EYS: variants seen among roughly 807,000 people sequenced by gnomAD.
The protein encoded by EYS is EGF-like photoreceptor maintenance factor.
EYS carries 250 observed loss-of-function variants against 282.1 expected under a neutral mutation model. The observed-to-expected ratio is 0.89, with a 90% CI of 0.80 to 0.98. The LOEUF is 0.98. Among genes scored for constraint, EYS ranks in the 50% least tolerant of loss-of-function variants. The pLI, the probability that EYS is intolerant of heterozygous loss-of-function variation, is 0.00. For synonymous variants in EYS, 1,355 were observed against 1,282.9 expected, an observed-to-expected ratio of 1.06 and a Z score of -1.20; for missense variants, 4,016 against 3,709.0, an observed-to-expected ratio of 1.08 and a Z score of -2.15.
chr6:65,225,300 T>C (rs2150262843), intron 12 of EYS, among the ~76,000 whole-genome samples: 1 of 149,598 alleles, frequency 6.7e-6, no homozygotes, highest in South Asian at 2.1e-4. Context: ...TATAATATAA[T>C]ATATAATTAT....
chr6:65,229,201 G>A (rs1210863368), intron 12 of EYS, among the ~76,000 whole-genome samples: 2 of 152,046 alleles, frequency 1.3e-5, no homozygotes, highest in African/African-American at 4.8e-5. Flanking sequence ...AAAAGATTAA[G>A]ATTAGAAAGT....
intron 19 of EYS, among the ~76,000 whole-genome samples, chr6:64,828,178 G>C (rs570301526): frequency 1.3e-5 from 2 of 151,948 alleles, no homozygotes; most frequent in South Asian, 4.1e-4. Context: ...TGAACTTGAA[G>C]ATAAGCAAGT....
chr6:64,266,883 A>G (rs1767778124), intron 30 of EYS, among the ~76,000 whole-genome samples: 2 of 152,208 alleles, frequency 1.3e-5, no homozygotes, highest in Non-Finnish European at 2.9e-5. Context: ...AGGGTTAGAA[A>G]CATAAAGCCA....
Position 64,590,532 on chromosome 6 carries a change from C to T in EYS, c.5335G>A (p.Gly1779Ser), listed in dbSNP as rs186499459. Residue 1779 changes from glycine to serine, a missense_variant, in exon 26 of 43, where the codon GGC (glycine) becomes AGC (serine). Transcript: ENST00000503581. ...ACTTCTGAAAAATCAGGCACTGAGC[C>T]TGTCAATGGTGGCAGATTATTTTTG... ...DFKNNLPPLT[G>S]SVPDFSEVTT... 339 of 1,551,362 alleles carry T rather than the reference C, an allele frequency of 2.2e-4. 1 individual carries two copies. In the African/African-American group the frequency reaches 4.4e-3, roughly 20 times the overall value.
chr6:64,189,797 T>G (rs1415683216), intron 31 of EYS, among the ~76,000 whole-genome samples: 9 of 152,146 alleles, frequency 5.9e-5, no homozygotes, highest in Non-Finnish European at 1.3e-4. Context: ...CCCACAGTTG[T>G]GTGGGTCAAT....
chr6:65,120,931 T>A (rs1486269816), intron 12 of EYS, among the ~76,000 whole-genome samples: 1 of 152,160 alleles, frequency 6.6e-6, no homozygotes, highest in Admixed American at 6.5e-5. Flanking sequence ...TACATTTATA[T>A]GTCTATTTTA....
intron 36 of EYS, among the ~76,000 whole-genome samples, chr6:63,816,108 C>G (rs943816137): frequency 6.6e-6 from 1 of 152,050 alleles, no homozygotes; most frequent in Non-Finnish European, 1.5e-5. Context: ...AAAAAGATTT[C>G]ATATTAATAT....
At chr6:64,112,977 A>G (rs1016042965) in intron 31 of EYS, among the ~76,000 whole-genome samples, 1 of 152,052 alleles carries the variant, frequency 6.6e-6, no homozygotes, top group African/African-American at 2.4e-5. Flanking sequence ...TGCAATTACA[A>G]CAATGTAGAG....
intron 33 of EYS, among the ~76,000 whole-genome samples, chr6:64,013,873 G>A (rs1768761290): frequency 6.6e-6 from 1 of 151,908 alleles, no homozygotes; most frequent in Non-Finnish European, 1.5e-5. Flanking sequence ...TCTAGATTGG[G>A]CTAATTCACT....
At chr6:65,440,950 T>A (rs1046555356) in intron 5 of EYS, among the ~76,000 whole-genome samples, 5 of 147,016 alleles carry the variant, frequency 3.4e-5, no homozygotes, top group African/African-American at 1.2e-4. Context: ...TGTATATGTA[T>A]ATAAATATAT....
intron 1 of EYS, among the ~76,000 whole-genome samples, chr6:65,694,061 C>T (rs995801198): frequency 6.7e-6 from 1 of 150,198 alleles, no homozygotes; most frequent in South Asian, 2.1e-4. Flanking sequence ...TGTTCTATAA[C>T]TGAACATGAT....
intron 1 of EYS, among the ~76,000 whole-genome samples, chr6:65,683,895 A>G (rs1334565187): frequency 1.3e-5 from 2 of 152,058 alleles, no homozygotes; most frequent in Non-Finnish European, 2.9e-5. Flanking sequence ...AAATAGAACC[A>G]GTGCAAATGG....
intron 22 of EYS, among the ~76,000 whole-genome samples, chr6:64,779,706 TAA>T (rs1773798552): frequency 6.6e-6 from 1 of 152,094 alleles, no homozygotes. Flanking sequence ...AAGATGTTGA[TAA>T]AAGAGGAAAC....
chr6:64,808,760 G>T (rs1764510742), intron 22 of EYS, among the ~76,000 whole-genome samples: 1 of 151,996 alleles, frequency 6.6e-6, no homozygotes, highest in South Asian at 2.1e-4. Flanking sequence ...GCATCAGCAA[G>T]ATTTTTTTAA....
chr6:63,996,967 A>C (rs1285302559), intron 34 of EYS, among the ~76,000 whole-genome samples: 3 of 152,178 alleles, frequency 2.0e-5, no homozygotes, highest in Non-Finnish European at 4.4e-5. Flanking sequence ...CTTTGGTGTC[A>C]ATCTGGCTTT....
intron 26 of EYS, among the ~76,000 whole-genome samples, chr6:64,524,070 A>T (rs1406984610): frequency 1.3e-5 from 2 of 151,718 alleles, no homozygotes; most frequent in Non-Finnish European, 3.0e-5. Flanking sequence ...GGAGCTAAAG[A>T]TCACACATAT....
chr6:64,546,311 C>T (rs1287649956), intron 26 of EYS, among the ~76,000 whole-genome samples: 1 of 152,156 alleles, frequency 6.6e-6, no homozygotes, highest in Non-Finnish European at 1.5e-5. Flanking sequence ...GGAAAACTGG[C>T]TAGCCATATG....
chr6:64,459,406 T>G (rs1460386942), intron 26 of EYS, among the ~76,000 whole-genome samples: 1 of 152,218 alleles, frequency 6.6e-6, no homozygotes, highest in Non-Finnish European at 1.5e-5. Context: ...ATTAGTGTTG[T>G]CTAAAGAGAG....
intron 22 of EYS, among the ~76,000 whole-genome samples, chr6:64,781,576 CA>C (rs5876923): frequency 0.5 from 43,653 of 87,698 alleles, 7,571 homozygotes; most frequent in Admixed American, 0.61. Flanking sequence ...GACTCCGTCT[CA>C]AAAAAAAAAA....
Sources: allele counts gnomAD v4.1 joint callset (sites outside exome capture counted in the v4.1 genomes callset), GRCh38; gene constraint gnomAD v4.1.1; transcripts MANE v1.5; gene names NCBI Gene and HGNC (gene_info 2026-07-23, HGNC 2026-07-21).